The following TMPRSS6 variants were observed in gnomAD, a reference collection of about 807,000 sequenced individuals.
TMPRSS6 encodes transmembrane serine protease 6.
Under a neutral mutation model 101.5 loss-of-function variants are expected in TMPRSS6, and 67 were observed. The ratio of observed to expected loss-of-function variants is 0.66; its 90% CI spans 0.54 to 0.81. TMPRSS6 has a LOEUF of 0.81. Among genes scored for constraint, TMPRSS6 ranks in the 30% least tolerant of loss-of-function variants. The pLI, the probability that TMPRSS6 is intolerant of heterozygous loss-of-function variation, is 0.00. For missense variants in TMPRSS6, 1,034 were observed against 1,088.7 expected (o/e 0.95, Z 0.71); for synonymous variants, 453 against 464.9 (o/e 0.97, Z 0.33).
chr22:37,102,816 C>T (rs1221831982), intron 2 of TMPRSS6, among the ~76,000 whole-genome samples: 1 of 152,128 alleles, frequency 6.6e-6, no homozygotes. Flanking sequence ...CCATTGGTGC[C>T]TCTGGGCCTC....
chr22:37,073,138 G>GGGTA (rs1298928274), intron 13 of TMPRSS6, among the ~76,000 whole-genome samples: 7 of 139,988 alleles, frequency 5.0e-5, no homozygotes, highest in African/African-American at 1.8e-4. Context: ...ATGGGTGGAT[G>GGGTA]GGTGGGTGGG....
Position 37,084,302 on chromosome 22 carries a change from T to C in TMPRSS6, c.1189A>G (p.Asn397Asp). 6.2e-7 allele frequency: 1 copy of C among 1,613,312 alleles called. No individual in the cohort carries two copies. The highest frequency in any genetic ancestry group is 1.1e-5 in the South Asian group (1 of 90,846). The part of the protein sequence containing the change: ...PCTQGQWTIQ[N>D]RRLCGLRILQ... ...GAGGAGAGGAAGTGGTACCTCCTGT[T>C]CTGGATCGTCCACTGGCCCTGGGTG... Residue 397 changes from asparagine to aspartate, a missense_variant, in exon 10 of 18, where the codon AAC becomes GAC. Asn to Asp is a conservative substitution (Grantham distance 23). Transcript: ENST00000676104.
At chr22:37,074,751 T>C (rs758544017) in intron 11 of TMPRSS6, 43 bp from the exon 12 acceptor site, 2 of 1,601,626 alleles carry the variant, frequency 1.2e-6, no homozygotes, top group Non-Finnish European at 1.7e-6. Context: ...AGGGCGCCAT[T>C]AGGCCATGCG....
Position 37,084,401 on chromosome 22 carries a change from G to A in TMPRSS6, c.1090C>T (p.Pro364Ser), listed in dbSNP as rs751272393. ...QTHCSWHLTV[P>S]SLDYGLALWF... ...AGGGCCAAGCCGTAGTCCAGAGAGG[G>A]CACCTGGGAGGGAGGAGCGGGCCAT... The change falls in exon 10 of 18, where the codon CCC becomes TCC. Residue 364 changes from proline (P) to serine (S), a missense_variant. By Grantham distance (74) the Pro-to-Ser change is moderately conservative (BLOSUM62 -1). Transcript: ENST00000676104. 1.9e-6 allele frequency: 3 copies of A among 1,610,870 alleles called. No homozygotes were observed. Among genetic ancestry groups the A allele is most frequent in the East Asian group, 4.5e-5 (2 of 44,740 alleles).
chr22:37,078,958 A>AAAG (rs1307250237), intron 10 of TMPRSS6, among the ~76,000 whole-genome samples: 1 of 100,428 alleles, frequency 1.0e-5, no homozygotes, highest in African/African-American at 3.7e-5. Flanking sequence ...GGAGAAAAAG[A>AAAG]GAAAGAAAGA....
intron 1 of TMPRSS6, among the ~76,000 whole-genome samples, chr22:37,106,512 T>A (rs1229555496): frequency 6.6e-6 from 1 of 152,152 alleles, no homozygotes; most frequent in East Asian, 1.9e-4. Context: ...GGACACCCTC[T>A]GTAAAAACCC....
At position 37,096,062 on chromosome 22, in the gene TMPRSS6, A is replaced by G. The variant is rs756500193; in HGVS notation, c.433T>C (p.Phe145Leu). The G allele has an allele frequency of 1.2e-6, 2 of 1,614,192 alleles. No homozygotes were observed. The highest frequency in any genetic ancestry group is 1.7e-6 in the Non-Finnish European group (2 of 1,180,032). Residue 145 changes from phenylalanine to leucine, a missense_variant, in exon 5 of 18, where the codon TTC becomes CTC. Physicochemically the swap from Phe to Leu is conservative, Grantham distance 22. Coordinates refer to ENST00000676104, the MANE Select transcript of TMPRSS6 (RefSeq NM_001374504.1). The part of the protein sequence containing the change: ...GEGPLTCFFW[F>L]ILQIPEHRRL... ...CGGTGCTCGGGGATTTGGAGAATGA[A>G]CCAGAAGAAGCAGGTGAGGGGTCCC...
chr22:37,079,568 G>T (rs939163458), intron 10 of TMPRSS6, among the ~76,000 whole-genome samples: 2 of 152,226 alleles, frequency 1.3e-5, no homozygotes, highest in East Asian at 3.8e-4. Flanking sequence ...GTGCTGAAGA[G>T]GGGAGGAGAG....
chr22:37,083,832 T>C (rs895654416), intron 10 of TMPRSS6: 3 of 317,406 alleles, frequency 9.5e-6, no homozygotes, highest in African/African-American at 2.1e-5. Context: ...CATGTTACCC[T>C]GTGCAATGGG....
In TMPRSS6 at chr22:37,073,559, C is replaced by T. The variant is rs752713169; in HGVS notation, c.1528G>A (p.Gly510Ser). The T allele has an allele frequency of 2.2e-5, 36 of 1,613,844 alleles. No homozygotes were observed. The highest frequency in any genetic ancestry group is 1.6e-4 in the Middle Eastern group (1 of 6,082). ...TCCTGGCACTGCTCTTCGTCGCTGCCGTTGAGACAATCAGGCTGCCCATCA... is the reference window on the plus strand; with the variant it reads ...TCCTGGCACTGCTCTTCGTCGCTGCTGTTGAGACAATCAGGCTGCCCATCA... ...VCDGQPDCLN[G>S]SDEEQCQEGV... is the part of the protein sequence containing the mutation. Residue 510 changes from glycine (G) to serine (S), a missense_variant, in exon 13 of 18, where the codon GGC becomes AGC. Coordinates refer to ENST00000676104, the MANE Select transcript of TMPRSS6 (RefSeq NM_001374504.1).
chr22:37,072,031 A>AATGG (rs1433283400), intron 13 of TMPRSS6, among the ~76,000 whole-genome samples: 4 of 136,522 alleles, frequency 2.9e-5, no homozygotes, highest in Non-Finnish European at 4.7e-5. Context: ...CTGACGGATG[A>AATGG]ATGGATGGAT....
In TMPRSS6 at chr22:37,078,973, A is replaced by G. The variant is rs144028704; in HGVS notation, c.1197-3693T>C. ...GGAGAAAAAGAGAAAGAAAGAAAGA[A>G]AAAGAAAGAAAGAAAGAAAGAAAGA... On this transcript the variant is annotated intron_variant, in intron 10 of 17. Transcript: ENST00000676104. Among the ~76,000 whole-genome samples, 227 of 106,582 alleles carry G rather than the reference A, an allele frequency of 2.1e-3. 3 individuals carry two copies. The highest frequency in any genetic ancestry group is 6.4e-3 in the African/African-American group (178 of 27,636). 69.9% of individuals were successfully genotyped at this position (106,582 alleles called of 152,430 possible). A position where few individuals can be genotyped will look rare whatever the true frequency, so the allele number is the denominator to read the frequency against.
chr22:37,072,431 T>C (rs28972833), intron 13 of TMPRSS6, among the ~76,000 whole-genome samples: 5 of 56,124 alleles, frequency 8.9e-5, no homozygotes, highest in Admixed American at 1.7e-4. Flanking sequence ...ATTGATGGAT[T>C]GATGGATGAT....
intron 3 of TMPRSS6, among the ~76,000 whole-genome samples, chr22:37,097,851 C>T (rs182003676): frequency 0.016 from 1,419 of 90,584 alleles, 47 homozygotes; most frequent in Middle Eastern, 0.051. Context: ...GAAGAGCGGG[C>T]CACCGTCCTG....
At chr22:37,096,116 C>A in intron 4 of TMPRSS6, 26 bp from the exon 5 acceptor site, 1 of 1,613,438 alleles carries the variant, frequency 6.2e-7, no homozygotes, top group Non-Finnish European at 8.5e-7. Context: ...GTGAGAGAGG[C>A]CAGGGAAGGA....
At chr22:37,081,467 A>T (rs998104296) in intron 10 of TMPRSS6, among the ~76,000 whole-genome samples, 7 of 152,296 alleles carry the variant, frequency 4.6e-5, no homozygotes, top group African/African-American at 1.7e-4. Flanking sequence ...TAATAAACAC[A>T]ACTTGTATGG....
chr22:37,077,570 T>G (rs1428867517), intron 10 of TMPRSS6, among the ~76,000 whole-genome samples: 1 of 152,204 alleles, frequency 6.6e-6, no homozygotes, highest in East Asian at 1.9e-4. Flanking sequence ...GAGACTGATG[T>G]GTGACATCGG....
intron 3 of TMPRSS6, among the ~76,000 whole-genome samples, chr22:37,097,293 G>A (rs1293110083): frequency 6.6e-6 from 1 of 152,214 alleles, no homozygotes; most frequent in East Asian, 1.9e-4. Context: ...TGACAAGGTG[G>A]GGCAAGTGGT....
intron 2 of TMPRSS6, among the ~76,000 whole-genome samples, chr22:37,099,254 G>A (rs368386250): frequency 6.6e-6 from 1 of 152,224 alleles, no homozygotes. Flanking sequence ...GCAGCATGGG[G>A]CACGGGGCCG....
Sources: gnomAD v4.1 joint callset for allele counts (sites outside exome capture counted in the v4.1 genomes callset) on GRCh38, gnomAD v4.1.1 for gene constraint, MANE v1.5 for transcripts, NCBI Gene and HGNC (gene_info 2026-07-23, HGNC 2026-07-21) for gene names.